Variants in USP32 observed in about 807,000 individuals in gnomAD.
USP32 encodes the protein ubiquitin carboxyl-terminal hydrolase 32.
USP32 carries 59 observed loss-of-function variants against 204.8 expected under a neutral mutation model. The observed-to-expected ratio is 0.29, with a 90% confidence interval of 0.23 to 0.36. The LOEUF (loss-of-function observed/expected upper bound fraction) is 0.36. USP32 is among the 10% of genes least tolerant of loss of function. The pLI is 1.00. For missense variants in USP32, 1,160 were observed against 1,946.4 expected, an observed-to-expected ratio of 0.60 and a Z score of 7.60; for synonymous variants, 517 against 678.4, an observed-to-expected ratio of 0.76 and a Z score of 3.70.
At chr17:60,259,437 G>C (rs1028685183) in intron 9 of USP32, among the ~76,000 whole-genome samples, 2 of 152,130 alleles carry the variant, frequency 1.3e-5, no homozygotes, top group African/African-American at 4.8e-5. Flanking sequence ...AGTGAGTGTG[G>C]ATATACGTGT....
At chr17:60,234,661 C>T (rs1418794883) in intron 12 of USP32, among the ~76,000 whole-genome samples, 3 of 151,398 alleles carry the variant, frequency 2.0e-5, no homozygotes, top group Non-Finnish European at 2.9e-5. Context: ...ACCTGGAAGG[C>T]GGAGCTTGCA....
intron 1 of USP32, among the ~76,000 whole-genome samples, chr17:60,362,575 G>A (rs2089231126): frequency 2.6e-5 from 4 of 152,182 alleles, no homozygotes; most frequent in Non-Finnish European, 5.9e-5. Context: ...AAACGCTGCA[G>A]GAGAGTCTTA....
At chr17:60,218,141 C>T (rs2085151458) in intron 16 of USP32, among the ~76,000 whole-genome samples, 1 of 152,050 alleles carries the variant, frequency 6.6e-6, no homozygotes, top group African/African-American at 2.4e-5. Context: ...GAATTCTTAC[C>T]AAACAGGCCG....
chr17:60,214,311 G>C (rs554012629), intron 17 of USP32, among the ~76,000 whole-genome samples: 1 of 152,214 alleles, frequency 6.6e-6, no homozygotes, highest in Non-Finnish European at 1.5e-5. Context: ...AATAATCTTT[G>C]AAAGATAGTA....
chr17:60,309,747 A>G (rs1038741725), intron 2 of USP32, among the ~76,000 whole-genome samples: 2 of 152,168 alleles, frequency 1.3e-5, no homozygotes, highest in African/African-American at 4.8e-5. Context: ...CTCACCCATT[A>G]TATCGAAAAG....
intron 4 of USP32, among the ~76,000 whole-genome samples, chr17:60,293,199 G>C (rs114772144): frequency 6.6e-6 from 1 of 152,090 alleles, no homozygotes; most frequent in African/African-American, 2.4e-5. Flanking sequence ...GCTAATACAT[G>C]TGCCTGCTAT....
At chr17:60,419,055 A>C (rs1348777506) in intron 1 of USP32, among the ~76,000 whole-genome samples, 1 of 152,228 alleles carries the variant, frequency 6.6e-6, no homozygotes, top group African/African-American at 2.4e-5. Context: ...CCATAAAGAC[A>C]CATGCACTCG....
intron 9 of USP32, among the ~76,000 whole-genome samples, chr17:60,261,059 G>A (rs948497438): frequency 3.9e-5 from 6 of 152,120 alleles, no homozygotes; most frequent in African/African-American, 7.2e-5. Context: ...GAACAGTCAC[G>A]ACTAAAATTC....
chr17:60,257,052 C>T lies in USP32; in HGVS notation c.991-1794G>A, dbSNP rs768670688. 4 of 224,190 alleles carry T rather than the reference C, an allele frequency of 1.8e-5. No homozygotes were observed. The East Asian group carries it at 4.8e-4, about 27-fold the overall frequency. 13.9% of individuals were successfully genotyped at this position (224,190 alleles called of 1,614,324 possible). A position where few individuals can be genotyped will look rare whatever the true frequency, so the allele number is the denominator to read the frequency against. The stretch of plus-strand genomic sequence containing the variant: ...AGCTGTGACATAATGGAGTTGATAA[C>T]GTTACCAAGCAAAGGAGGCTTGCTG... On this transcript the variant is annotated intron_variant, in intron 9 of 33. Coordinates refer to ENST00000300896, the MANE Select transcript of USP32 (RefSeq NM_032582.4).
chr17:60,347,847 G>A lies in USP32; in HGVS notation c.59-2239C>T, dbSNP rs553808406. Reference sequence around the variant, plus strand: ...GTAAGAATAAGTCAGGAAAGGCTGGGCGCAGTGGCTCACGCCTGTAATCCC... The same window carrying A: ...GTAAGAATAAGTCAGGAAAGGCTGGACGCAGTGGCTCACGCCTGTAATCCC... On this transcript the variant is annotated intron_variant, in intron 1 of 33. Transcript: ENST00000300896. Among the ~76,000 whole-genome samples the A allele has an allele frequency of 4.6e-5, 7 of 151,576 alleles. No individual in the cohort carries two copies. In the South Asian group the frequency reaches 1.5e-3, roughly 32 times the overall value.
chr17:60,315,144 T>G (rs973038828), intron 2 of USP32, among the ~76,000 whole-genome samples: 1 of 152,254 alleles, frequency 6.6e-6, no homozygotes, highest in Non-Finnish European at 1.5e-5. Flanking sequence ...ACGCCTGTAA[T>G]CCTAGCACTT....
chr17:60,360,799 G>GT (rs2146052399), intron 1 of USP32, among the ~76,000 whole-genome samples: 1 of 152,218 alleles, frequency 6.6e-6, no homozygotes, highest in South Asian at 2.1e-4. Context: ...TACACAAGCA[G>GT]TAAGTGAATG....
chr17:60,376,531 CT>C (rs1039941418), intron 1 of USP32, among the ~76,000 whole-genome samples: 7 of 145,300 alleles, frequency 4.8e-5, no homozygotes, highest in Non-Finnish European at 6.1e-5. Context: ...TTTTCCTTTT[CT>C]TTTTTTTTTG....
intron 1 of USP32, among the ~76,000 whole-genome samples, chr17:60,407,013 G>A (rs1459515700): frequency 6.6e-6 from 1 of 152,154 alleles, no homozygotes; most frequent in Non-Finnish European, 1.5e-5. Context: ...ACCGTTTTCA[G>A]ATGTTGGACA....
intron 1 of USP32, chr17:60,421,440 C>T: frequency 2.0e-6 from 2 of 985,566 alleles, no homozygotes; most frequent in Non-Finnish European, 2.4e-6. Flanking sequence ...CCCGGGCCGA[C>T]GGCGGTCCCA....
At chr17:60,390,415 G>T (rs2089810811) in intron 1 of USP32, among the ~76,000 whole-genome samples, 1 of 152,160 alleles carries the variant, frequency 6.6e-6, no homozygotes, top group Non-Finnish European at 1.5e-5. Context: ...CAGCATCCCG[G>T]AAATGACTAG....
At chr17:60,236,345 A>T in intron 11 of USP32, 105 bp from the exon 12 acceptor site, 1 of 888,032 alleles carries the variant, frequency 1.1e-6, no homozygotes, top group Admixed American at 2.2e-5. Context: ...CGAAACATTT[A>T]GATGTAATTA....
chr17:60,421,609 T>G (rs2090115104), intron 1 of USP32: 1 of 980,434 alleles, frequency 1.0e-6, no homozygotes, highest in Non-Finnish European at 1.2e-6. Context: ...CAACGGTCTC[T>G]CGTCGCCGGG....
At chr17:60,380,568 A>G (rs1467823372) in intron 1 of USP32, among the ~76,000 whole-genome samples, 3 of 152,210 alleles carry the variant, frequency 2.0e-5, no homozygotes, top group African/African-American at 4.8e-5. Context: ...GTCATTCCAG[A>G]TAAGAGAAAT....
Sources: gnomAD v4.1 joint callset for allele counts (sites outside exome capture counted in the v4.1 genomes callset) on GRCh38, gnomAD v4.1.1 for gene constraint, MANE v1.5 for transcripts, NCBI Gene and HGNC (gene_info 2026-07-23, HGNC 2026-07-21) for gene names.